The following SLC4A10 variants were observed in gnomAD, a reference collection of about 807,000 sequenced individuals.
The protein encoded by SLC4A10 is sodium-driven chloride bicarbonate exchanger.
Under a neutral mutation model 137.7 loss-of-function variants are expected in SLC4A10, and 42 were observed. The ratio of observed to expected loss-of-function variants is 0.30; its 90% CI spans 0.24 to 0.39. The LOEUF (loss-of-function observed/expected upper bound fraction) is 0.39. Ranked by LOEUF, SLC4A10 falls within the 10% of genes least tolerant of loss-of-function variation. SLC4A10 has a pLI of 1.00. For synonymous variants in SLC4A10, 474 were observed against 464.1 expected (o/e 1.02, Z -0.27); for missense variants, 925 against 1,355.0 (o/e 0.68, Z 4.98).
At chr2:161,815,091 C>G (rs2056918314) in intron 3 of SLC4A10, among the ~76,000 whole-genome samples, 1 of 152,014 alleles carries the variant, frequency 6.6e-6, no homozygotes, top group South Asian at 2.1e-4. Flanking sequence ...TTTAAACTTG[C>G]CAGAAATGCA....
At chr2:161,775,025 G>T (rs1232254629) in intron 2 of SLC4A10, among the ~76,000 whole-genome samples, 7 of 151,864 alleles carry the variant, frequency 4.6e-5, no homozygotes, top group Non-Finnish European at 1.0e-4. Flanking sequence ...TAAACTACTT[G>T]ATTTGAATAT....
intron 26 of SLC4A10, among the ~76,000 whole-genome samples, chr2:161,982,185 GCC>G (rs1189277779): frequency 6.6e-6 from 1 of 152,138 alleles, no homozygotes; most frequent in Non-Finnish European, 1.5e-5. Flanking sequence ...GATACTTACA[GCC>G]CAGGGCCTCA....
Position 161,879,254 on chromosome 2 carries a change from C to G in SLC4A10, c.1072C>G (p.Leu358Val). The G allele has an allele frequency of 6.2e-7, 1 of 1,612,474 alleles. No individual in the cohort carries two copies. The highest frequency in any genetic ancestry group is 8.5e-7 in the Non-Finnish European group (1 of 1,178,846). Residue 358 changes from leucine to valine, a missense_variant, in exon 9 of 27, where the codon CTT becomes GTT. Transcript: ENST00000446997. ...AFVRLSPAVL[L>V]QGLAEVPIPT... ...TGTCAGGTTGTCTCCAGCTGTATTGCTTCAAGGACTGGCTGAAGTCCCAAT... is the reference window on the plus strand; with the variant it reads ...TGTCAGGTTGTCTCCAGCTGTATTGGTTCAAGGACTGGCTGAAGTCCCAAT...
At chr2:161,741,027 C>A (rs903028659) in intron 1 of SLC4A10, among the ~76,000 whole-genome samples, 4 of 152,100 alleles carry the variant, frequency 2.6e-5, no homozygotes, top group Non-Finnish European at 4.4e-5. Flanking sequence ...CACCTGTAAT[C>A]CTTGGCAGGC....
intron 2 of SLC4A10, among the ~76,000 whole-genome samples, chr2:161,796,198 A>C (rs1168996704): frequency 6.6e-6 from 1 of 152,114 alleles, no homozygotes; most frequent in African/African-American, 2.4e-5. Flanking sequence ...TTTAGCATTC[A>C]GCTATTGCTG....
At chr2:161,977,866 G>A (rs916568111) in intron 26 of SLC4A10, 106 bp downstream of exon 26, 3 of 1,005,892 alleles carry the variant, frequency 3.0e-6, no homozygotes, top group Middle Eastern at 2.2e-4. Context: ...GTTTTGGGGA[G>A]GCAAAAGGCA....
At position 161,786,044 on chromosome 2, in the gene SLC4A10, ATCTG is replaced by A. The variant is rs1171007168; in HGVS notation, c.130+14998_130+15001del. On this transcript the variant is annotated intron_variant, in intron 2 of 26. Transcript: ENST00000446997. ...TTGAAGTCCTCCACTGTTATTGTATATCTGTCTGTCTCTTTTCTGAGGTCTAATG... is the reference window on the plus strand; with the variant it reads ...TTGAAGTCCTCCACTGTTATTGTATATCTGTCTCTTTTCTGAGGTCTAATG... Among the ~76,000 whole-genome samples the A allele has an allele frequency of 6.6e-5, 10 of 151,444 alleles. No individual in the cohort carries two copies. The East Asian group carries it at 1.4e-3, about 21-fold the overall frequency.
chr2:161,882,561 T>C (rs1339303687), intron 10 of SLC4A10, 117 bp downstream of exon 10: 7 of 516,582 alleles, frequency 1.4e-5, no homozygotes, highest in Admixed American at 4.1e-5. Context: ...TGAATCCCAT[T>C]CTCCCATGCT....
chr2:161,762,686 G>A (rs2050376284), intron 1 of SLC4A10, among the ~76,000 whole-genome samples: 1 of 152,040 alleles, frequency 6.6e-6, no homozygotes, highest in Non-Finnish European at 1.5e-5. Context: ...TGAAACAGTA[G>A]TGAAACATTA....
At chr2:161,745,403 A>C (rs1024762689) in intron 1 of SLC4A10, among the ~76,000 whole-genome samples, 3 of 151,920 alleles carry the variant, frequency 2.0e-5, no homozygotes, top group East Asian at 1.9e-4. Context: ...ATTCTTCCTT[A>C]ATTCTTTTTA....
At chr2:161,755,556 T>C (rs1415647831) in intron 1 of SLC4A10, among the ~76,000 whole-genome samples, 1 of 152,136 alleles carries the variant, frequency 6.6e-6, no homozygotes, top group African/African-American at 2.4e-5. Context: ...AACACCACCC[T>C]CTCTTTTCTC....
At chr2:161,968,438 G>A (rs1040206032) in intron 23 of SLC4A10, among the ~76,000 whole-genome samples, 3 of 152,120 alleles carry the variant, frequency 2.0e-5, no homozygotes, top group African/African-American at 7.2e-5. Flanking sequence ...TAACTAAATA[G>A]CACTAAATTT....
At chr2:161,945,281 A>G (rs1218084116) in intron 16 of SLC4A10, among the ~76,000 whole-genome samples, 3 of 146,406 alleles carry the variant, frequency 2.0e-5, no homozygotes, top group African/African-American at 5.0e-5. Context: ...TCCTTAGGCA[A>G]GATTTAAAAT....
At chr2:161,804,996 T>TA (rs1431851342) in intron 3 of SLC4A10, among the ~76,000 whole-genome samples, 1 of 152,168 alleles carries the variant, frequency 6.6e-6, no homozygotes, top group Non-Finnish European at 1.5e-5. Flanking sequence ...ACACTGCTGA[T>TA]AAAGACATAC....
chr2:161,883,013 A>T (rs1193076629), intron 10 of SLC4A10, among the ~76,000 whole-genome samples: 2 of 152,102 alleles, frequency 1.3e-5, no homozygotes, highest in African/African-American at 4.8e-5. Flanking sequence ...TGGGACTGGA[A>T]AAAGCTTTCA....
rs188793922 is a variant in SLC4A10, at chr2:161,864,996, A to G, written c.766+1934A>G. On this transcript the variant is annotated intron_variant, in intron 6 of 26. Transcript: ENST00000446997. ...CTAAGAATGCATGCAGATTTTATAA[A>G]AATGAACTTTTACCTTCATAACTTT... Among the ~76,000 whole-genome samples the G allele has an allele frequency of 2.0e-5, 3 of 152,264 alleles. No homozygotes were observed. The East Asian group carries it at 5.8e-4, about 29-fold the overall frequency.
intron 4 of SLC4A10, among the ~76,000 whole-genome samples, chr2:161,841,102 G>C (rs187117495): frequency 6.6e-6 from 1 of 152,180 alleles, no homozygotes; most frequent in Non-Finnish European, 1.5e-5. Context: ...GTCTGAGACA[G>C]AGTCTCACTC....
At chr2:161,967,478 G>A (rs1260088906) in intron 23 of SLC4A10, among the ~76,000 whole-genome samples, 1 of 152,172 alleles carries the variant, frequency 6.6e-6, no homozygotes, top group Non-Finnish European at 1.5e-5. Context: ...AATTTGGTAT[G>A]AAAATGCTCA....
intron 1 of SLC4A10, among the ~76,000 whole-genome samples, chr2:161,699,610 T>C (rs1011909069): frequency 2.6e-5 from 4 of 152,182 alleles, no homozygotes; most frequent in African/African-American, 9.7e-5. Flanking sequence ...ATCTTAATAA[T>C]TGTAAATGAA....
Sources: allele counts gnomAD v4.1 joint callset (sites outside exome capture counted in the v4.1 genomes callset), GRCh38; gene constraint gnomAD v4.1.1; transcripts MANE v1.5; gene names NCBI Gene and HGNC (gene_info 2026-07-23, HGNC 2026-07-21).